IST1: variants seen among roughly 807,000 people sequenced by gnomAD.
IST1 encodes IST1 factor associated with ESCRT-III, also known as IST1 homolog.
Under a neutral mutation model 37.0 loss-of-function variants are expected in IST1, and 23 were observed. That is an observed-to-expected ratio of 0.62 (90% CI 0.45 to 0.88). IST1 has a LOEUF of 0.88. Among genes scored for constraint, IST1 ranks in the 40% least tolerant of loss-of-function variants. The pLI is 0.00. For synonymous variants in IST1, 180 were observed against 161.7 expected, an observed-to-expected ratio of 1.11 and a Z score of -0.86; for missense variants, 488 against 445.4, an observed-to-expected ratio of 1.10 and a Z score of -0.86.
chr16:71,924,462 A>G (rs1485744760), intron 8 of IST1: 1 of 498,924 alleles, frequency 2.0e-6, no homozygotes, highest in Non-Finnish European at 3.7e-6. Context: ...ATAGTGCTGC[A>G]TGCCTGTGGT....
chr16:71,911,792 C>T (rs140592248), intron 1 of IST1, among the ~76,000 whole-genome samples: 8 of 145,384 alleles, frequency 5.5e-5, no homozygotes, highest in African/African-American at 1.5e-4. Flanking sequence ...TAATGGCTCA[C>T]GTTAGCCTTG....
At chr16:71,898,682 A>G (rs1290845547) in intron 1 of IST1, among the ~76,000 whole-genome samples, 2 of 150,954 alleles carry the variant, frequency 1.3e-5, no homozygotes, top group Non-Finnish European at 3.0e-5. Flanking sequence ...AAAAAAACAA[A>G]AAAGGAAACA....
intron 8 of IST1, chr16:71,924,024 C>G: frequency 2.3e-6 from 1 of 429,186 alleles, no homozygotes; most frequent in Non-Finnish European, 4.6e-6. Context: ...ATGTAAATTA[C>G]TCATCTAGGA....
At chr16:71,921,280 G>C in intron 5 of IST1, 63 bp from the exon 6 acceptor site, 2 of 949,690 alleles carry the variant, frequency 2.1e-6, no homozygotes, top group Middle Eastern at 3.1e-4. Context: ...ACTTCGCATA[G>C]TGAGGTGAGG....
In IST1 at chr16:71,929,932, T is replaced by A; in HGVS notation, c.*2119T>A. ...AGATAGCTGGCAGAGCTTTTGAAAC[T>A]AATAAAGGGAATATGATACTGTGCA... On this transcript the variant is annotated 3_prime_UTR_variant, in exon 10 of 10. Transcript: ENST00000378799. 1 of 1,248,726 alleles carries A rather than the reference T, an allele frequency of 8.0e-7. No homozygotes were observed. Among genetic ancestry groups the A allele is most frequent in the South Asian group, 1.7e-5 (1 of 60,210 alleles). The allele number at this position is 1,248,726 out of a possible 1,614,324, so 77.4% of individuals were successfully genotyped here. A position where few individuals can be genotyped will look rare whatever the true frequency, so the allele number is the denominator to read the frequency against.
chr16:71,920,693 C>T (rs772645975), intron 4 of IST1, 46 bp from the exon 5 acceptor site: 53 of 1,364,512 alleles, frequency 3.9e-5, no homozygotes, highest in Middle Eastern at 3.6e-4. Flanking sequence ...TAAAGCAGTC[C>T]GTTGGAGTGG....
rs1038175302 is a variant in IST1 at position 71,928,167 on chromosome 16, G to A, written c.*354G>A. The A allele has an allele frequency of 1.3e-5, 4 of 301,700 alleles. No homozygotes were observed. The highest frequency in any genetic ancestry group is 2.6e-5 in the Non-Finnish European group (4 of 156,366). 18.7% of individuals were successfully genotyped at this position (301,700 alleles called of 1,614,324 possible). On this transcript the variant is annotated 3_prime_UTR_variant, in exon 10 of 10. Transcript: ENST00000378799. ...AGACCACCAAAGATGGCTGGACAGT[G>A]GGAGAGAGCACGTTGTGAAGCATCC...
intron 1 of IST1, among the ~76,000 whole-genome samples, chr16:71,909,368 C>A (rs1264729014): frequency 1.3e-5 from 2 of 152,130 alleles, no homozygotes; most frequent in Non-Finnish European, 2.9e-5. Context: ...ACCTCCCAAA[C>A]TGCTGGGATT....
At chr16:71,924,923 A>G (rs2037702291) in intron 9 of IST1, 106 bp downstream of exon 9, 7 of 772,910 alleles carry the variant, frequency 9.1e-6, no homozygotes, top group Admixed American at 8.1e-5. Flanking sequence ...ATGGACTTCT[A>G]TCTGCATGCC....
upstream of IST1, chr16:71,895,008 G>GCCCGCTTA: frequency 5.0e-6 from 3 of 594,584 alleles, no homozygotes; most frequent in Non-Finnish European, 8.8e-6. Context: ...AAGCGGGGCG[G>GCCCGCTTA]GGGAACGCTT....
At chr16:71,920,670 C>A (rs1005746405) in intron 4 of IST1, 69 bp from the exon 5 acceptor site, 5 of 1,116,670 alleles carry the variant, frequency 4.5e-6, no homozygotes, top group East Asian at 2.4e-5. Flanking sequence ...TTTACTGTTG[C>A]CAGGAAGAAG....
At position 71,922,541 on chromosome 16, in the gene IST1, G is replaced by A; in HGVS notation, c.620G>A (p.Gly207Glu). 1.2e-6 allele frequency: 2 copies of A among 1,614,202 alleles called. No homozygotes were observed. The highest frequency in any genetic ancestry group is 1.7e-6 in the Non-Finnish European group (2 of 1,180,024). The part of the protein sequence containing the change: ...DVGFTDDVKK[G>E]GPGRGGSGGF... ...GGATTCACAGATGATGTGAAGAAAG[G>A]AGGCCCTGGAAGAGGAGGGAGTGGT... Residue 207 changes from glycine to glutamate, a missense_variant, in exon 7 of 10, where the codon GGA becomes GAA. Around this residue, in one of 2 missense-constraint regions of IST1, gnomAD observed 455 missense variants for 386.2 expected, o/e 1.18. Coordinates refer to ENST00000378799, the MANE Select transcript of IST1 (RefSeq NM_001270975.2).
intron 1 of IST1, among the ~76,000 whole-genome samples, chr16:71,913,214 C>T (rs545897221): frequency 6.6e-6 from 1 of 151,994 alleles, no homozygotes; most frequent in South Asian, 2.1e-4. Context: ...TACCGTTTTG[C>T]AATCCCACCA....
At chr16:71,895,025 C>T (rs748305966), upstream of IST1, 1 of 522,588 alleles carries the variant, frequency 1.9e-6, no homozygotes, top group East Asian at 3.4e-5. Context: ...GCTTAGAGCC[C>T]GTAGAGGGAC....
intron 5 of IST1, 113 bp from the exon 6 acceptor site, chr16:71,921,230 T>G (rs1011237928): frequency 1.6e-5 from 11 of 668,950 alleles, no homozygotes; most frequent in Middle Eastern, 8.3e-4. Context: ...GCTCTGAACC[T>G]TTTTTTCCCT....
chr16:71,912,966 G>A (rs2037390632), intron 1 of IST1, among the ~76,000 whole-genome samples: 2 of 152,160 alleles, frequency 1.3e-5, no homozygotes, highest in Admixed American at 1.3e-4. Context: ...GTACTCTGTT[G>A]TATGTGTAGA....
intron 1 of IST1, among the ~76,000 whole-genome samples, chr16:71,898,924 C>T (rs1384405361): frequency 1.3e-5 from 2 of 150,334 alleles, no homozygotes; most frequent in African/African-American, 2.4e-5. Context: ...GAGATGGCAC[C>T]GCTGCACTCC....
At chr16:71,921,951 C>A (rs2037598821) in intron 6 of IST1, among the ~76,000 whole-genome samples, 1 of 152,180 alleles carries the variant, frequency 6.6e-6, no homozygotes, top group Admixed American at 6.5e-5. Flanking sequence ...TCCTGGCTAA[C>A]ACGGTGAAAC....
At chr16:71,906,941 A>C (rs2037237321) in intron 1 of IST1, among the ~76,000 whole-genome samples, 2 of 152,042 alleles carry the variant, frequency 1.3e-5, no homozygotes, top group South Asian at 4.1e-4. Context: ...GAGGCAGGGG[A>C]ATCACTTGAA....
Sources: allele counts gnomAD v4.1 joint callset (sites outside exome capture counted in the v4.1 genomes callset), GRCh38; gene constraint gnomAD v4.1.1; regional missense constraint gnomAD v4.1.1; transcripts MANE v1.5; gene names NCBI Gene and HGNC (gene_info 2026-07-23, HGNC 2026-07-21).